The following ZFYVE1 variants were observed in gnomAD, a reference collection of about 807,000 sequenced individuals.
ZFYVE1 encodes the protein zinc finger FYVE-type containing 1, also known as zinc finger FYVE domain-containing protein 1.
In ZFYVE1, 30 loss-of-function variants were observed where a neutral mutation model predicts 74.4. The ratio of observed to expected loss-of-function variants is 0.40; its 90% CI spans 0.30 to 0.55. The LOEUF (loss-of-function observed/expected upper bound fraction) is 0.55. ZFYVE1 is among the 20% of genes least tolerant of loss of function. The probability of loss-of-function intolerance (pLI) is 0.42; values close to 1 mark genes in which losing one functional copy is unlikely to be tolerated. For synonymous variants in ZFYVE1, 335 were observed against 385.1 expected (o/e 0.87, Z 1.52); for missense variants, 703 against 1,011.6 (o/e 0.69, Z 4.14).
intron 11 of ZFYVE1, among the ~76,000 whole-genome samples, chr14:72,972,467 G>T (rs906256465): frequency 2.0e-5 from 3 of 152,080 alleles, no homozygotes; most frequent in Admixed American, 6.5e-5. Flanking sequence ...TTTAAGCTTG[G>T]GCAAATCCAG....
intron 11 of ZFYVE1, among the ~76,000 whole-genome samples, chr14:72,972,845 C>T (rs1893070320): frequency 6.6e-6 from 1 of 151,826 alleles, no homozygotes; most frequent in African/African-American, 2.4e-5. Context: ...GTAGCTGGGA[C>T]TACAGGTGCC....
intron 2 of ZFYVE1, among the ~76,000 whole-genome samples, chr14:73,001,185 T>C (rs1893862721): frequency 1.7e-5 from 2 of 115,320 alleles, no homozygotes; most frequent in South Asian, 7.0e-4. Flanking sequence ...GTTGTTTTTT[T>C]CTTTTTTTCA....
chr14:72,988,683 C>T (rs1027277055), intron 4 of ZFYVE1, among the ~76,000 whole-genome samples: 1 of 150,784 alleles, frequency 6.6e-6, no homozygotes, highest in African/African-American at 2.4e-5. Flanking sequence ...GGTGTGTGCC[C>T]GTAATCCAGG....
Position 72,994,032 on chromosome 14 carries a change from G to T in ZFYVE1, c.989-675C>A, listed in dbSNP as rs371079977. Among the ~76,000 whole-genome samples the T allele has an allele frequency of 1.7e-4, 21 of 120,562 alleles. 1 individual carries two copies. The East Asian group carries it at 4.2e-3, about 24-fold the overall frequency. 79.1% of individuals were successfully genotyped at this position (120,562 alleles called of 152,430 possible). On this transcript the variant is annotated intron_variant, in intron 3 of 11. Transcript: ENST00000556143. ...CCGTCTCAAAAAAAAAAAAAAAAAA[G>T]TAAGATACGGGAGGGTGCAGTGGTT...
intron 4 of ZFYVE1, among the ~76,000 whole-genome samples, chr14:72,989,253 T>C (rs1893554562): frequency 6.6e-6 from 1 of 152,190 alleles, no homozygotes; most frequent in African/African-American, 2.4e-5. Context: ...TAAGCATATA[T>C]AATAAACTAC....
Position 72,993,279 on chromosome 14 carries a change from G to T in ZFYVE1, c.1067C>A (p.Ser356Tyr). 6.2e-7 allele frequency: 1 copy of T among 1,613,716 alleles called. No individual in the cohort carries two copies. The highest frequency in any genetic ancestry group is 8.5e-7 in the Non-Finnish European group (1 of 1,179,986). ...AGTCCTCGTTCCCTTGTAGTGAATG[G>T]AACTAAAGGCTTCAGGGAAACGGCC... ...KLGRFPEAFS[S>Y]IHYKGTRTYN... Residue 356 changes from serine to tyrosine, a missense_variant, in exon 4 of 12, where the codon TCC becomes TAC. By Grantham distance (144) the Ser-to-Tyr change is moderately radical. This residue lies in a region of ZFYVE1 where 492 missense variants were observed against 790.0 expected (regional missense o/e 0.62). Transcript: ENST00000556143.
intron 2 of ZFYVE1, among the ~76,000 whole-genome samples, chr14:73,004,194 C>T (rs753261047): frequency 2.0e-5 from 3 of 152,088 alleles, no homozygotes; most frequent in Non-Finnish European, 2.9e-5. Context: ...ACAAAAGCTC[C>T]GTAAAGCTCT....
chr14:72,972,129 G>A (rs974518704), intron 11 of ZFYVE1, among the ~76,000 whole-genome samples: 25 of 152,194 alleles, frequency 1.6e-4, no homozygotes, highest in African/African-American at 5.5e-4. Context: ...CATGAGAATC[G>A]CTTAAACCTG....
intron 2 of ZFYVE1, among the ~76,000 whole-genome samples, chr14:73,008,174 TGTGAGACGGA>T (rs199685923): frequency 0.013 from 1,940 of 152,346 alleles, 41 homozygotes; most frequent in African/African-American, 0.045. Context: ...TTTTTTTGTG[TGTGAGACGGA>T]GTTTCACTCT....
chr14:72,980,543 T>A (rs1893297786), intron 5 of ZFYVE1, among the ~76,000 whole-genome samples: 1 of 99,266 alleles, frequency 1.0e-5, no homozygotes, highest in Non-Finnish European at 2.5e-5. Context: ...ATTAATTTAT[T>A]TATTTATTTA....
intron 2 of ZFYVE1, among the ~76,000 whole-genome samples, chr14:73,016,540 T>C (rs1482907954): frequency 6.8e-6 from 1 of 148,068 alleles, no homozygotes; most frequent in Non-Finnish European, 1.5e-5. Context: ...ATAAAGGATC[T>C]GTAAGTCCTT....
chr14:72,993,386 G>T (rs1384358031), intron 3 of ZFYVE1, 29 bp from the exon 4 acceptor site: 2 of 1,553,986 alleles, frequency 1.3e-6, no homozygotes, highest in African/African-American at 1.4e-5. Context: ...AGGCACATGG[G>T]TAGTGAGTGA....
chr14:73,007,111 G>C (rs12884588), intron 2 of ZFYVE1, among the ~76,000 whole-genome samples: 1 of 151,896 alleles, frequency 6.6e-6, no homozygotes, highest in Non-Finnish European at 1.5e-5. Context: ...TCCCTCGAGA[G>C]ATTCCTTCCA....
chr14:72,993,032 C>T (rs1410143370), intron 4 of ZFYVE1, 111 bp downstream of exon 4: 1 of 1,102,376 alleles, frequency 9.1e-7, no homozygotes, highest in Non-Finnish European at 1.3e-6. Context: ...TTCTTATAAC[C>T]TCTTTCCACC....
Position 72,973,960 on chromosome 14 carries a change from T to G in ZFYVE1, c.2101+120A>C, listed in dbSNP as rs1035246249. 3.4e-5 allele frequency: 26 copies of G among 765,762 alleles called. No homozygotes were observed. In the African/African-American group the frequency reaches 4.2e-4, roughly 12 times the overall value. The allele number at this position is 765,762 out of a possible 1,614,324, so 47.4% of individuals were successfully genotyped here. A position where few individuals can be genotyped will look rare whatever the true frequency, so the allele number is the denominator to read the frequency against. On this transcript the variant is annotated intron_variant, in intron 11 of 11. Transcript: ENST00000556143. ...AAGCAAATGTGTGGCATTGTGTAAT[T>G]GATTCCTTTACCACCCATCTCAATC...
At position 73,015,517 on chromosome 14, in the gene ZFYVE1, G is replaced by A. The variant is rs148311510; in HGVS notation, c.483+8509C>T. 7.0e-3 allele frequency among the ~76,000 whole-genome samples: 1,065 copies of A among 152,104 alleles called. 7 individuals are homozygous for A. The highest frequency in any genetic ancestry group is 0.012 in the Non-Finnish European group (785 of 67,978). On this transcript the variant is annotated intron_variant, in intron 2 of 11. Transcript: ENST00000556143. ...TGCAATTCTCCTGCCTCAGCCTCCT[G>A]AGTAGCTGGGACTACAGGTGCCTGC...
chr14:73,010,723 T>C (rs1349209461), intron 2 of ZFYVE1, among the ~76,000 whole-genome samples: 6 of 139,996 alleles, frequency 4.3e-5, no homozygotes. Flanking sequence ...TGAGCTGAGA[T>C]TGTGCCACTG....
chr14:72,975,930 G>A lies in ZFYVE1; in HGVS notation c.1636-209C>T. ...CTTGATGTGTAGCTGTTCAATTCAG[G>A]ACTTACTAAGCCCATATAATACAGG... On this transcript the variant is annotated intron_variant, in intron 8 of 11. Transcript: ENST00000556143. This position sits in a 1 kb window ranked among gnomAD's most constrained non-coding sequence, Gnocchi z 4.1. The A allele has an allele frequency of 1.7e-6, 1 of 590,726 alleles. No homozygotes were observed. The highest frequency in any genetic ancestry group is 2.9e-6 in the Non-Finnish European group (1 of 345,686). The allele number at this position is 590,726 out of a possible 1,614,324, so 36.6% of individuals were successfully genotyped here. A position where few individuals can be genotyped will look rare whatever the true frequency, so the allele number is the denominator to read the frequency against.
At chr14:73,010,768 TAAAAAAA>T (rs35771113) in intron 2 of ZFYVE1, among the ~76,000 whole-genome samples, 1 of 59,008 alleles carries the variant, frequency 1.7e-5, no homozygotes, top group East Asian at 6.0e-4. Flanking sequence ...AGACTCCATC[TAAAAAAA>T]AAAAAAAAAA....
Sources: allele counts gnomAD v4.1 joint callset (sites outside exome capture counted in the v4.1 genomes callset), GRCh38; gene constraint gnomAD v4.1.1; regional missense constraint gnomAD v4.1.1; non-coding constraint Gnocchi (gnomAD v3.1); transcripts MANE v1.5; gene names NCBI Gene and HGNC (gene_info 2026-07-23, HGNC 2026-07-21).